CSMD3: variants seen among roughly 807,000 people sequenced by gnomAD.
CSMD3 encodes CUB and sushi domain-containing protein 3.
In CSMD3, 177 loss-of-function variants were observed where a neutral mutation model predicts 435.2. The ratio of observed to expected loss-of-function variants is 0.41; its 90% confidence interval spans 0.36 to 0.46. The LOEUF is 0.46. CSMD3 is among the 20% of genes least tolerant of loss of function. The pLI is 0.34. For missense variants in CSMD3, 4,265 were observed against 4,504.6 expected, an observed-to-expected ratio of 0.95 and a Z score of 1.52; for synonymous variants, 1,656 against 1,520.5, an observed-to-expected ratio of 1.09 and a Z score of -2.07.
chr8:113,007,453 T>C (rs1279326017), intron 6 of CSMD3, among the ~76,000 whole-genome samples: 2 of 151,958 alleles, frequency 1.3e-5, no homozygotes, highest in Admixed American at 6.6e-5. Context: ...GAAATATATG[T>C]GTGCAGAAGA....
intron 41 of CSMD3, among the ~76,000 whole-genome samples, chr8:112,342,971 T>TTTTATATATATATATTTATATATATATA (rs1554647494): frequency 1.1e-5 from 1 of 92,408 alleles, no homozygotes; most frequent in Non-Finnish European, 2.2e-5. Context: ...TTGAAATGTA[T>TTTTATATATATATATTTATATATATATA]TATATATATA....
At chr8:113,221,813 C>A (rs546717770) in intron 3 of CSMD3, among the ~76,000 whole-genome samples, 82 of 151,364 alleles carry the variant, frequency 5.4e-4, no homozygotes, top group Middle Eastern at 3.4e-3. Context: ...CCATTAATAT[C>A]CCTTAAACTG....
intron 10 of CSMD3, among the ~76,000 whole-genome samples, chr8:112,914,900 T>A (rs774728316): frequency 5.3e-5 from 8 of 151,936 alleles, no homozygotes; most frequent in Non-Finnish European, 7.4e-5. Flanking sequence ...GTGGAGAAGC[T>A]AAATAAGGGA....
chr8:113,299,850 T>C (rs2093750951), intron 2 of CSMD3, among the ~76,000 whole-genome samples: 1 of 151,886 alleles, frequency 6.6e-6, no homozygotes. Context: ...AAAAATTAGC[T>C]AGGTGTGTGG....
intron 1 of CSMD3, among the ~76,000 whole-genome samples, chr8:113,417,208 A>G (rs1052106229): frequency 6.6e-6 from 1 of 151,980 alleles, no homozygotes; most frequent in South Asian, 2.1e-4. Context: ...TTAAAGAAGA[A>G]ATATAAAAAC....
intron 18 of CSMD3, among the ~76,000 whole-genome samples, chr8:112,655,338 G>C: frequency 6.6e-6 from 1 of 152,142 alleles, no homozygotes; most frequent in South Asian, 2.1e-4. Flanking sequence ...TAAGTGTGTT[G>C]TTAGATTAAT....
rs751282567 is a variant in CSMD3, at chr8:112,805,534, A to G, written c.1860-5260T>C. ...CTCACCCTGTAATATTAATACTGCC[A>G]TACTTCCAGAAAGGAAAGAAGGTAA... On this transcript the variant is annotated intron_variant, in intron 12 of 70. Coordinates refer to ENST00000297405, the MANE Select transcript of CSMD3 (RefSeq NM_198123.2). 2.6e-4 allele frequency among the ~76,000 whole-genome samples: 40 copies of G among 152,306 alleles called. No individual in the cohort carries two copies. In the Middle Eastern group the frequency reaches 0.014, roughly 52 times the overall value.
intron 24 of CSMD3, among the ~76,000 whole-genome samples, chr8:112,572,657 T>C (rs551713306): frequency 2.6e-5 from 4 of 152,198 alleles, no homozygotes; most frequent in Non-Finnish European, 4.4e-5. Flanking sequence ...TGCTACTTAT[T>C]TTACTATACA....
chr8:112,388,927 T>C (rs182516402), intron 36 of CSMD3, among the ~76,000 whole-genome samples: 7 of 152,126 alleles, frequency 4.6e-5, no homozygotes, highest in East Asian at 3.9e-4. Context: ...GAGGAGACCA[T>C]GTAGTAGATA....
At chr8:113,348,477 G>T (rs1410572392) in intron 1 of CSMD3, among the ~76,000 whole-genome samples, 1 of 152,064 alleles carries the variant, frequency 6.6e-6, no homozygotes, top group African/African-American at 2.4e-5. Context: ...CAAATGCAAA[G>T]ATGCCTCTCT....
chr8:112,832,011 G>C (rs969011802), intron 11 of CSMD3, among the ~76,000 whole-genome samples: 1 of 152,006 alleles, frequency 6.6e-6, no homozygotes, highest in Non-Finnish European at 1.5e-5. Flanking sequence ...CAGCTTCCTT[G>C]TTAGATTATT....
At chr8:112,805,596 A>G (rs1180666230) in intron 12 of CSMD3, among the ~76,000 whole-genome samples, 3 of 152,230 alleles carry the variant, frequency 2.0e-5, no homozygotes, top group Non-Finnish European at 4.4e-5. Flanking sequence ...ACAAGATCTT[A>G]AAGAAGAAAA....
At chr8:113,321,899 C>G (rs904186552) in intron 1 of CSMD3, among the ~76,000 whole-genome samples, 1 of 152,106 alleles carries the variant, frequency 6.6e-6, no homozygotes, top group African/African-American at 2.4e-5. Context: ...CACTGAGGAA[C>G]AATATTTCTT....
intron 32 of CSMD3, among the ~76,000 whole-genome samples, chr8:112,424,954 T>G (rs1040229894): frequency 2.0e-5 from 3 of 152,212 alleles, no homozygotes; most frequent in African/African-American, 2.4e-5. Flanking sequence ...CCTCTCAAAG[T>G]GCTGGGATTA....
intron 48 of CSMD3, 147 bp from the exon 49 acceptor site, chr8:112,314,199 GTT>G (rs1372543864): frequency 7.9e-5 from 59 of 751,528 alleles, no homozygotes; most frequent in Admixed American, 5.6e-4. Context: ...AACATAAAAT[GTT>G]TGTTTTAAGC....
At chr8:112,989,141 A>C (rs2131007211) in intron 6 of CSMD3, among the ~76,000 whole-genome samples, 1 of 152,192 alleles carries the variant, frequency 6.6e-6, no homozygotes, top group Non-Finnish European at 1.5e-5. Flanking sequence ...TGGGAGACAA[A>C]AAGAATGAAC....
chr8:112,340,891 G>A (rs949390237), intron 42 of CSMD3, among the ~76,000 whole-genome samples: 1 of 152,030 alleles, frequency 6.6e-6, no homozygotes, highest in African/African-American at 2.4e-5. Context: ...AGAATAGGAA[G>A]AATCAACATT....
chr8:113,279,230 A>T (rs2093594770), intron 2 of CSMD3, among the ~76,000 whole-genome samples: 1 of 149,600 alleles, frequency 6.7e-6, no homozygotes, highest in Admixed American at 6.8e-5. Context: ...ACATCCTTAC[A>T]TTAGAAGATA....
chr8:113,297,195 T>C (rs1241654041), intron 2 of CSMD3, among the ~76,000 whole-genome samples: 3 of 152,046 alleles, frequency 2.0e-5, no homozygotes, highest in African/African-American at 7.2e-5. Context: ...TGAAATTAGG[T>C]GCTAGAAATA....
Sources: allele counts gnomAD v4.1 joint callset (sites outside exome capture counted in the v4.1 genomes callset), GRCh38; gene constraint gnomAD v4.1.1; transcripts MANE v1.5; gene names NCBI Gene and HGNC (gene_info 2026-07-23, HGNC 2026-07-21).